The following CNOT4 variants were observed in gnomAD, a reference collection of about 807,000 sequenced individuals.
The protein encoded by CNOT4 is CCR4-associated factor 4.
Under a neutral mutation model 73.8 loss-of-function variants are expected in CNOT4, and 8 were observed. The ratio of observed to expected loss-of-function variants is 0.11; its 90% CI spans 0.06 to 0.20. The LOEUF is 0.20. CNOT4 is among the 10% of genes least tolerant of loss of function. The pLI is 1.00. For missense variants in CNOT4, 564 were observed against 883.4 expected (o/e 0.64, Z 4.58); for synonymous variants, 293 against 321.1 (o/e 0.91, Z 0.94).
At chr7:135,416,990 C>A (rs1728722335) in intron 3 of CNOT4, among the ~76,000 whole-genome samples, 1 of 152,112 alleles carries the variant, frequency 6.6e-6, no homozygotes, top group African/African-American at 2.4e-5. Context: ...AGTATTTTCC[C>A]AGCTTTGTTT....
intron 3 of CNOT4, among the ~76,000 whole-genome samples, chr7:135,416,264 A>G (rs946294676): frequency 6.6e-6 from 1 of 152,142 alleles, no homozygotes; most frequent in Admixed American, 6.6e-5. Context: ...TATGTTCTGC[A>G]TTTGATAGAA....
At chr7:135,478,787 G>A (rs73452408) in intron 1 of CNOT4, among the ~76,000 whole-genome samples, 1 of 152,018 alleles carries the variant, frequency 6.6e-6, no homozygotes, top group Non-Finnish European at 1.5e-5. Flanking sequence ...AATATAAATA[G>A]CTGTAAACTT....
chr7:135,499,191 C>T (rs1001931352), intron 1 of CNOT4, among the ~76,000 whole-genome samples: 1 of 152,004 alleles, frequency 6.6e-6, no homozygotes, highest in Non-Finnish European at 1.5e-5. Flanking sequence ...GGTTTTGAGA[C>T]GGAGAGATTA....
rs543088292 is a variant in CNOT4, at chr7:135,464,652, C to T, written c.-92-26229G>A. On this transcript the variant is annotated intron_variant, in intron 1 of 11. Coordinates refer to ENST00000541284, the MANE Select transcript of CNOT4 (RefSeq NM_001190850.2). Reference sequence around the variant, plus strand: ...CCTATGTAACAAACCTTATCATGTGCCCCCAAACCTAAAAGTTTTTAAAAA... The same window carrying T: ...CCTATGTAACAAACCTTATCATGTGTCCCCAAACCTAAAAGTTTTTAAAAA... Among the ~76,000 whole-genome samples, 3 of 151,578 alleles carry T rather than the reference C, an allele frequency of 2.0e-5. No individual in the cohort carries two copies. In the East Asian group the frequency reaches 5.8e-4, roughly 29 times the overall value.
At chr7:135,452,519 G>A (rs1002195094) in intron 1 of CNOT4, among the ~76,000 whole-genome samples, 11 of 152,080 alleles carry the variant, frequency 7.2e-5, no homozygotes, top group Admixed American at 5.9e-4. Flanking sequence ...GCAGTGAGCT[G>A]AGGTCGTATC....
In CNOT4 at chr7:135,498,241, T is replaced by C. The variant is rs188295182; in HGVS notation, c.-93+11648A>G. On this transcript the variant is annotated intron_variant, in intron 1 of 11. Transcript: ENST00000541284. ...TGAAACTGAAAACTACATTCGACTA[T>C]AAAAAGTTATGTATAATTAATCCTT... 2.6e-4 allele frequency among the ~76,000 whole-genome samples: 39 copies of C among 152,312 alleles called. No homozygotes were observed. The East Asian group carries it at 6.7e-3, about 26-fold the overall frequency.
At chr7:135,382,530 A>G (rs1238634834) in intron 10 of CNOT4, among the ~76,000 whole-genome samples, 7 of 152,114 alleles carry the variant, frequency 4.6e-5, no homozygotes, top group African/African-American at 1.7e-4. Context: ...ATACTTTATT[A>G]GAAAACTAAG....
chr7:135,506,705 G>A (rs1042265013), intron 1 of CNOT4, among the ~76,000 whole-genome samples: 7 of 151,776 alleles, frequency 4.6e-5, no homozygotes, highest in Admixed American at 2.0e-4. Context: ...AAACTTAGCC[G>A]GGCATGGTGG....
chr7:135,365,953 T>C (rs1261162719), intron 10 of CNOT4, among the ~76,000 whole-genome samples: 1 of 152,222 alleles, frequency 6.6e-6, no homozygotes, highest in Non-Finnish European at 1.5e-5. Context: ...ACTCTAACTT[T>C]TAAAGCAGTC....
intron 10 of CNOT4, chr7:135,388,341 A>G (rs1239455816): frequency 2.0e-6 from 2 of 984,570 alleles, no homozygotes; most frequent in African/African-American, 3.5e-5. Flanking sequence ...TTTTATATGT[A>G]TTCTTTCTTC....
intron 2 of CNOT4, among the ~76,000 whole-genome samples, chr7:135,434,469 A>G (rs560859746): frequency 1.3e-5 from 2 of 152,348 alleles, no homozygotes; most frequent in Admixed American, 1.3e-4. Context: ...TGGCCTAATA[A>G]CAATAACCAC....
chr7:135,436,761 C>T (rs1799178773), intron 2 of CNOT4, among the ~76,000 whole-genome samples: 1 of 151,658 alleles, frequency 6.6e-6, no homozygotes, highest in African/African-American at 2.4e-5. Flanking sequence ...TACATATCCA[C>T]TGGATTAATT....
At chr7:135,418,036 G>T (rs1368703244) in intron 3 of CNOT4, among the ~76,000 whole-genome samples, 2 of 152,158 alleles carry the variant, frequency 1.3e-5, no homozygotes, top group Non-Finnish European at 2.9e-5. Flanking sequence ...TATATGCTCA[G>T]TGTCTTAAAT....
chr7:135,457,721 T>C (rs1025483394), intron 1 of CNOT4, among the ~76,000 whole-genome samples: 2 of 152,128 alleles, frequency 1.3e-5, no homozygotes, highest in East Asian at 1.9e-4. Flanking sequence ...CTTAACTTCA[T>C]TGTAATACAA....
chr7:135,410,580 A>G lies in CNOT4; in HGVS notation c.756T>C (p.Leu252=), dbSNP rs570189555. The G allele has an allele frequency of 1.0e-5, 16 of 1,592,762 alleles. No homozygotes were observed. In the African/African-American group the frequency reaches 1.9e-4, roughly 19 times the overall value. Residue 252 remains leucine (L), a synonymous_variant, in exon 7 of 12, where the codon CTT becomes CTC. Transcript: ENST00000541284. ...TATCAACTGAACCCGTAGATAGCTG[A>G]AGAAAATTGGGATTTAATTTATATA... The part of the protein sequence containing the change: ...QELYKLNPNF[L]QLSTGSVDKN...
chr7:135,402,513 T>G (rs1001228971), intron 7 of CNOT4, among the ~76,000 whole-genome samples: 1 of 152,198 alleles, frequency 6.6e-6, no homozygotes, highest in Non-Finnish European at 1.5e-5. Context: ...ATTTATTTAT[T>G]TAAAGTAAAA....
intron 1 of CNOT4, among the ~76,000 whole-genome samples, chr7:135,484,648 G>A (rs1483176123): frequency 3.3e-5 from 5 of 151,618 alleles, no homozygotes; most frequent in South Asian, 2.1e-4. Context: ...CCAACTACTT[G>A]GGAGGCTGAG....
intron 4 of CNOT4, among the ~76,000 whole-genome samples, chr7:135,414,879 T>C (rs946184077): frequency 6.6e-6 from 1 of 152,084 alleles, no homozygotes; most frequent in African/African-American, 2.4e-5. Context: ...TATTACAGAT[T>C]AGAAATCACT....
chr7:135,406,681 G>C (rs888175307), intron 7 of CNOT4, among the ~76,000 whole-genome samples: 1 of 152,154 alleles, frequency 6.6e-6, no homozygotes, highest in Non-Finnish European at 1.5e-5. Context: ...TCTGGTCCCA[G>C]CTGAGGTTCT....
Sources: gnomAD v4.1 joint callset for allele counts (sites outside exome capture counted in the v4.1 genomes callset) on GRCh38, gnomAD v4.1.1 for gene constraint, MANE v1.5 for transcripts, NCBI Gene and HGNC (gene_info 2026-07-23, HGNC 2026-07-21) for gene names.